PGBD5: variants seen among roughly 807,000 people sequenced by gnomAD.
PGBD5 encodes piggyBac transposable element-derived protein 5.
Under a neutral mutation model 47.9 loss-of-function variants are expected in PGBD5, and 14 were observed. The observed-to-expected ratio is 0.29, with a 90% CI of 0.19 to 0.46. The LOEUF (loss-of-function observed/expected upper bound fraction) is 0.46. Ranked by LOEUF, PGBD5 falls within the 20% of genes least tolerant of loss-of-function variation. The pLI, the probability that PGBD5 is intolerant of heterozygous loss-of-function variation, is 1.00. For missense variants in PGBD5, 635 were observed against 716.0 expected, an observed-to-expected ratio of 0.89 and a Z score of 1.29; for synonymous variants, 316 against 306.3, an observed-to-expected ratio of 1.03 and a Z score of -0.33.
intron 1 of PGBD5, among the ~76,000 whole-genome samples, chr1:230,417,599 T>C (rs1407569341): frequency 6.6e-6 from 1 of 152,244 alleles, no homozygotes; most frequent in African/African-American, 2.4e-5. Context: ...GAGACACTTT[T>C]CCTTCCTCTT....
chr1:230,363,149 A>C (rs1047321693), intron 1 of PGBD5, among the ~76,000 whole-genome samples: 13 of 152,212 alleles, frequency 8.5e-5, no homozygotes, highest in African/African-American at 3.1e-4. Context: ...CCTCGCACAC[A>C]CAGGCAAGAA....
chr1:230,406,857 C>A (rs1315191065), intron 1 of PGBD5, among the ~76,000 whole-genome samples: 1 of 152,144 alleles, frequency 6.6e-6, no homozygotes, highest in Non-Finnish European at 1.5e-5. Context: ...TTTTTTGAGA[C>A]AGAGTTTCAC....
rs1197987733 is a variant in PGBD5, at chr1:230,320,916, C to A, written c.*2509G>T. ...AGTGGCCACTGAAGCCTCCCCTAGACCCGGCTCAACAGCTGCCTTTTCCCA... is the reference window on the plus strand; with the variant it reads ...AGTGGCCACTGAAGCCTCCCCTAGAACCGGCTCAACAGCTGCCTTTTCCCA... On this transcript the variant is annotated 3_prime_UTR_variant, in exon 7 of 7. Coordinates refer to ENST00000391860, the MANE Select transcript of PGBD5 (RefSeq NM_001258311.2). 3.3e-5 allele frequency: 5 copies of A among 152,250 alleles called. No homozygotes were observed. The highest frequency in any genetic ancestry group is 1.2e-4 in the African/African-American group (5 of 41,452). 9.4% of individuals were successfully genotyped at this position (152,250 alleles called of 1,614,324 possible).
Position 230,334,961 on chromosome 1 carries a change from C to T in PGBD5, c.1076-1920G>A, listed in dbSNP as rs375256176. On this transcript the variant is annotated intron_variant, in intron 4 of 6. Coordinates refer to ENST00000391860, the MANE Select transcript of PGBD5 (RefSeq NM_001258311.2). ...CTCTTTGGGAACCATATCGATGGCC[C>T]GGGATAGTCCTCTAGCATCCCCACT... Among the ~76,000 whole-genome samples, 9 of 149,956 alleles carry T rather than the reference C, an allele frequency of 6.0e-5. No individual in the cohort carries two copies. In the East Asian group the frequency reaches 7.8e-4, roughly 13 times the overall value.
In PGBD5 at chr1:230,330,142, C is replaced by G. The variant is rs557880182; in HGVS notation, c.1273+2702G>C. Among the ~76,000 whole-genome samples the G allele has an allele frequency of 4.6e-5, 7 of 152,212 alleles. No individual in the cohort carries two copies. In the South Asian group the frequency reaches 1.5e-3, roughly 32 times the overall value. ...AAAAAATCACTCGAAATTAGCCAATCAACACATGGAGAGATGTGCAACCTC... is the reference window on the plus strand; with the variant it reads ...AAAAAATCACTCGAAATTAGCCAATGAACACATGGAGAGATGTGCAACCTC... On this transcript the variant is annotated intron_variant, in intron 5 of 6. Transcript: ENST00000391860.
chr1:230,379,685 G>T (rs1315622858), intron 1 of PGBD5, among the ~76,000 whole-genome samples: 1 of 152,152 alleles, frequency 6.6e-6, no homozygotes, highest in Non-Finnish European at 1.5e-5. Context: ...TAGCCTGTTG[G>T]CACCCCAGAG....
chr1:230,383,724 A>G (rs1656568473), intron 1 of PGBD5, among the ~76,000 whole-genome samples: 1 of 152,154 alleles, frequency 6.6e-6, no homozygotes, highest in African/African-American at 2.4e-5. Context: ...AAAGTTGGAG[A>G]GCAGCAGAGA....
At chr1:230,395,403 T>C in intron 1 of PGBD5, among the ~76,000 whole-genome samples, 1 of 18,264 alleles carries the variant, frequency 5.5e-5, no homozygotes, top group African/African-American at 2.9e-4. Context: ...CCTGAGCTCC[T>C]CTCACTCCCA....
intron 4 of PGBD5, 35 bp downstream of exon 4, chr1:230,337,073 G>C: frequency 6.2e-7 from 1 of 1,600,260 alleles, no homozygotes; most frequent in South Asian, 1.1e-5. Context: ...AGGGGAGGCT[G>C]GGCCGTATCC....
In PGBD5 at chr1:230,357,429, G is replaced by A. The variant is rs144759508; in HGVS notation, c.332-108C>T. 71 of 1,208,226 alleles carry A rather than the reference G, an allele frequency of 5.9e-5. No individual in the cohort carries two copies. Among genetic ancestry groups the A allele is most frequent in the African/African-American group, 4.7e-4 (31 of 65,978 alleles). 74.8% of individuals were successfully genotyped at this position (1,208,226 alleles called of 1,614,324 possible). A position where few individuals can be genotyped will look rare whatever the true frequency, so the allele number is the denominator to read the frequency against. On this transcript the variant is annotated intron_variant, in intron 1 of 6. Transcript: ENST00000391860. This position sits in a 1 kb window ranked among gnomAD's most constrained non-coding sequence, Gnocchi z 5.7. ...CCTGGGTCCCTGGCCGAGTGCCCCCGCTGCCTCCAGTGCTACCGCCTTCCC... is the reference window on the plus strand; with the variant it reads ...CCTGGGTCCCTGGCCGAGTGCCCCCACTGCCTCCAGTGCTACCGCCTTCCC...
At chr1:230,328,009 C>T (rs1047831581) in intron 5 of PGBD5, among the ~76,000 whole-genome samples, 3 of 152,236 alleles carry the variant, frequency 2.0e-5, no homozygotes, top group Non-Finnish European at 4.4e-5. Context: ...GAGACCATCC[C>T]TATAAAGAAA....
intron 3 of PGBD5, among the ~76,000 whole-genome samples, chr1:230,348,381 A>C (rs1667507468): frequency 6.6e-6 from 1 of 152,206 alleles, no homozygotes; most frequent in African/African-American, 2.4e-5. Context: ...GGACGAGGGA[A>C]GAGGCAGGTT....
intron 1 of PGBD5, among the ~76,000 whole-genome samples, chr1:230,381,034 T>C (rs987236886): frequency 6.6e-6 from 1 of 152,228 alleles, no homozygotes; most frequent in Non-Finnish European, 1.5e-5. Flanking sequence ...GCAAACACCA[T>C]CCACGTGCAC....
chr1:230,399,712 G>A (rs1297628001), intron 1 of PGBD5, among the ~76,000 whole-genome samples: 1 of 152,126 alleles, frequency 6.6e-6, no homozygotes, highest in African/African-American at 2.4e-5. Flanking sequence ...CCCGCAGACC[G>A]GAGGATGCTG....
At chr1:230,356,809 C>T (rs1250564714) in intron 2 of PGBD5, 85 bp downstream of exon 2, 7 of 1,437,016 alleles carry the variant, frequency 4.9e-6, no homozygotes, top group Admixed American at 4.3e-5. Context: ...GCAGGAAGGA[C>T]ACCCCAAAGC....
In PGBD5 at chr1:230,321,737, A is replaced by G. The variant is rs1463615237; in HGVS notation, c.*1688T>C. On this transcript the variant is annotated 3_prime_UTR_variant, in exon 7 of 7. Transcript: ENST00000391860. ...TCATTAGAGTCTCCTTAAGTGTTGG[A>G]AACACATTAAACTCAGAAATAGTGG... is the stretch of plus-strand genomic sequence containing the variant. The G allele has an allele frequency of 6.5e-6, 1 of 152,672 alleles. No homozygotes were observed. Among genetic ancestry groups the G allele is most frequent in the South Asian group, 2.1e-4 (1 of 4,836 alleles). The allele number at this position is 152,672 out of a possible 1,614,324, so 9.5% of individuals were successfully genotyped here. A position where few individuals can be genotyped will look rare whatever the true frequency, so the allele number is the denominator to read the frequency against.
intron 3 of PGBD5, among the ~76,000 whole-genome samples, chr1:230,346,731 G>A (rs919706694): frequency 6.6e-6 from 1 of 152,126 alleles, no homozygotes; most frequent in Non-Finnish European, 1.5e-5. Flanking sequence ...TATGACTCTG[G>A]GGGTGTTTCT....
intron 1 of PGBD5, among the ~76,000 whole-genome samples, chr1:230,422,703 G>A (rs1056615867): frequency 7.2e-5 from 11 of 152,286 alleles, no homozygotes; most frequent in African/African-American, 2.2e-4. Context: ...CCGCACTTCC[G>A]GAGGAGCTGA....
intron 1 of PGBD5, among the ~76,000 whole-genome samples, chr1:230,364,028 T>A (rs532764505): frequency 6.6e-6 from 1 of 152,234 alleles, no homozygotes; most frequent in African/African-American, 2.4e-5. Context: ...ATTGTCTAGT[T>A]AGTAAACACC....
Sources: allele counts gnomAD v4.1 joint callset (sites outside exome capture counted in the v4.1 genomes callset), GRCh38; gene constraint gnomAD v4.1.1; non-coding constraint Gnocchi (gnomAD v3.1); transcripts MANE v1.5; gene names NCBI Gene and HGNC (gene_info 2026-07-23, HGNC 2026-07-21).